TANC2: variants seen among roughly 807,000 people sequenced by gnomAD.
TANC2 encodes the protein protein TANC2.
TANC2 carries 26 observed loss-of-function variants against 210.5 expected under a neutral mutation model. That is an observed-to-expected ratio of 0.12 (90% confidence interval 0.09 to 0.17). TANC2 has a LOEUF of 0.17. Ranked by LOEUF, TANC2 falls within the 10% of genes least tolerant of loss-of-function variation. TANC2 has a pLI of 1.00. For synonymous variants in TANC2, 931 were observed against 967.1 expected (o/e 0.96, Z 0.69); for missense variants, 2,129 against 2,608.9 (o/e 0.82, Z 4.01).
intron 5 of TANC2, chr17:63,151,889 G>A (rs1221886805): frequency 6.6e-6 from 1 of 152,098 alleles, no homozygotes; most frequent in Non-Finnish European, 1.5e-5. Context: ...TTTCCGAGAT[G>A]GACTCCTTTT....
intron 7 of TANC2, among the ~76,000 whole-genome samples, chr17:63,226,203 T>C (rs1235427059): frequency 6.6e-6 from 1 of 152,240 alleles, no homozygotes; most frequent in African/African-American, 2.4e-5. Flanking sequence ...AGAGTCTTTT[T>C]AGGCATCACC....
intron 4 of TANC2, among the ~76,000 whole-genome samples, chr17:63,104,207 G>T (rs1228842729): frequency 6.6e-6 from 1 of 152,152 alleles, no homozygotes; most frequent in Non-Finnish European, 1.5e-5. Context: ...TGGGGGCGAT[G>T]TGGAAAAGAG....
At chr17:62,984,467 C>G (rs1222151233) in intron 1 of TANC2, among the ~76,000 whole-genome samples, 1 of 151,538 alleles carries the variant, frequency 6.6e-6, no homozygotes, top group Non-Finnish European at 1.5e-5. Flanking sequence ...TCATTTATTT[C>G]TGCTCTGATC....
Position 63,412,814 on chromosome 17 carries a change from T to C in TANC2, c.3928+105T>C. 7.5e-7 allele frequency: 1 copy of C among 1,335,016 alleles called. No individual in the cohort carries two copies. The highest frequency in any genetic ancestry group is 1.0e-6 in the Non-Finnish European group (1 of 996,328). The allele number at this position is 1,335,016 out of a possible 1,614,324, so 82.7% of individuals were successfully genotyped here. A position where few individuals can be genotyped will look rare whatever the true frequency, so the allele number is the denominator to read the frequency against. On this transcript the variant is annotated intron_variant, in intron 24 of 27. Coordinates refer to ENST00000689528, the Ensembl canonical transcript of TANC2. The surrounding 1 kb of genome is among the most constrained non-coding windows in gnomAD (Gnocchi z 4.2). ...ATGAGTTCCCTACACCTCTAATCTT[T>C]TAATTTACTTCACCTTAAAAGAAGA...
At chr17:63,097,906 C>T (rs147614122) in intron 3 of TANC2, among the ~76,000 whole-genome samples, 8 of 152,238 alleles carry the variant, frequency 5.3e-5, no homozygotes, top group African/African-American at 1.4e-4. Flanking sequence ...TTTCTTCTGA[C>T]GTATCTTCCA....
chr17:63,374,082 G>A (rs2047355435), intron 14 of TANC2, among the ~76,000 whole-genome samples: 1 of 137,698 alleles, frequency 7.3e-6, no homozygotes, highest in Non-Finnish European at 1.5e-5. Context: ...TGTTGCCCAG[G>A]CTGGAGTGCA....
intron 2 of TANC2, among the ~76,000 whole-genome samples, chr17:63,019,575 A>T (rs1211789547): frequency 6.6e-6 from 1 of 152,096 alleles, no homozygotes; most frequent in Admixed American, 6.5e-5. Context: ...TTTTAAAATA[A>T]TTTTTATTTA....
intron 7 of TANC2, among the ~76,000 whole-genome samples, chr17:63,206,346 C>G (rs2041710861): frequency 6.6e-6 from 1 of 152,104 alleles, no homozygotes; most frequent in Admixed American, 6.5e-5. Flanking sequence ...AATTTCTCTT[C>G]TAAGTATATA....
rs5821386 is a variant in TANC2, at chr17:63,358,352, T to TGA, written c.2582+2986_2582+2987dup. Among the ~76,000 whole-genome samples the TGA allele has an allele frequency of 2.4e-3, 327 of 137,992 alleles. 1 individual carries two copies. The highest frequency in any genetic ancestry group is 3.4e-3 in the East Asian group (16 of 4,666). The allele number at this position is 137,992 out of a possible 152,430, so 90.5% of individuals were successfully genotyped here. On this transcript the variant is annotated intron_variant, in intron 14 of 27. Transcript: ENST00000689528. ...TAAATGAGTAACAAGGTGAGTAGAG[T>TGA]GAGAGAGAGAGAGAGAGAGAGAGAG...
At chr17:63,419,893 C>G (rs959448644) in intron 27 of TANC2, 106 bp from the exon 28 acceptor site, 1 of 1,332,648 alleles carries the variant, frequency 7.5e-7, no homozygotes, top group African/African-American at 1.5e-5. Context: ...CAGACTCCCA[C>G]AGACGCCACC....
intron 1 of TANC2, among the ~76,000 whole-genome samples, chr17:62,977,274 T>C (rs1157663855): frequency 1.3e-5 from 2 of 152,244 alleles, no homozygotes; most frequent in East Asian, 3.8e-4. Flanking sequence ...AGTATAATTA[T>C]TGAATCTTTT....
intron 9 of TANC2, among the ~76,000 whole-genome samples, chr17:63,289,095 A>T (rs1002598686): frequency 6.6e-6 from 1 of 152,132 alleles, no homozygotes; most frequent in Non-Finnish European, 1.5e-5. Context: ...CATTTTAAAA[A>T]TCTGGCTTCT....
intron 25 of TANC2, 85 bp from the exon 26 acceptor site, chr17:63,415,443 T>G (rs1206540906): frequency 2.0e-6 from 3 of 1,537,502 alleles, no homozygotes; most frequent in Non-Finnish European, 2.6e-6. Flanking sequence ...TAACAGCTGC[T>G]GAGAAGAAGA....
At chr17:63,147,093 A>T (rs1410934988) in intron 4 of TANC2, among the ~76,000 whole-genome samples, 1 of 152,110 alleles carries the variant, frequency 6.6e-6, no homozygotes, top group Admixed American at 6.6e-5. Flanking sequence ...GCACTTTGGG[A>T]GCCTGAGGCA....
chr17:62,993,724 T>G (rs1018653341), intron 1 of TANC2, among the ~76,000 whole-genome samples: 7 of 152,030 alleles, frequency 4.6e-5, no homozygotes, highest in African/African-American at 1.7e-4. Context: ...GCCAGGAGTT[T>G]GAAACCAGCC....
At chr17:63,333,529 G>C (rs1337400549) in intron 11 of TANC2, among the ~76,000 whole-genome samples, 2 of 152,142 alleles carry the variant, frequency 1.3e-5, no homozygotes. Context: ...TTCTTAAGAT[G>C]GAATCTGTAC....
chr17:62,987,605 T>C (rs1281186416), intron 1 of TANC2, among the ~76,000 whole-genome samples: 3 of 152,158 alleles, frequency 2.0e-5, no homozygotes, highest in Admixed American at 2.0e-4. Context: ...ACAGGAAGTC[T>C]TTCCTGACTC....
chr17:63,329,194 T>TC lies in TANC2; in HGVS notation c.1575+10104_1575+10105insC, dbSNP rs138139289. ...CAGCATGATAGATTTATTATTTTTT[T>TC]AATGAATCAATAAAAATTTTAAGAA... On this transcript the variant is annotated intron_variant, in intron 11 of 27. Coordinates refer to ENST00000689528, the Ensembl canonical transcript of TANC2. 8.3e-3 allele frequency among the ~76,000 whole-genome samples: 1,265 copies of TC among 152,240 alleles called. 14 individuals carry two copies. The highest frequency in any genetic ancestry group is 0.028 in the African/African-American group (1,156 of 41,538).
intron 9 of TANC2, among the ~76,000 whole-genome samples, chr17:63,271,616 C>T (rs551586194): frequency 2.0e-5 from 3 of 151,282 alleles, no homozygotes; most frequent in Admixed American, 6.6e-5. Context: ...TTGCCCCCCC[C>T]ATCCCCCAAC....
Sources: gnomAD v4.1 joint callset for allele counts (sites outside exome capture counted in the v4.1 genomes callset) on GRCh38, gnomAD v4.1.1 for gene constraint, Gnocchi (gnomAD v3.1) non-coding constraint, MANE v1.5 for transcripts, NCBI Gene and HGNC (gene_info 2026-07-23, HGNC 2026-07-21) for gene names.